SHISA6: variants seen among roughly 807,000 people sequenced by gnomAD.
SHISA6 encodes the protein protein shisa-6.
SHISA6 carries 22 observed loss-of-function variants against 47.9 expected under a neutral mutation model. That is an observed-to-expected ratio of 0.46 (90% CI 0.33 to 0.66). The LOEUF is 0.66. SHISA6 is among the 30% of genes least tolerant of loss of function. SHISA6 has a pLI of 0.02. For missense variants in SHISA6, 680 were observed against 764.6 expected (o/e 0.89, Z 1.30); for synonymous variants, 388 against 337.8 (o/e 1.15, Z -1.63).
intron 3 of SHISA6, among the ~76,000 whole-genome samples, chr17:11,523,250 C>T (rs1364526837): frequency 1.3e-5 from 2 of 152,168 alleles, no homozygotes; most frequent in African/African-American, 2.4e-5. Flanking sequence ...AGGCAGAAAA[C>T]CCCCCGTTGG....
At chr17:11,249,280 G>A (rs1907710511) in intron 1 of SHISA6, among the ~76,000 whole-genome samples, 1 of 152,004 alleles carries the variant, frequency 6.6e-6, no homozygotes, top group African/African-American at 2.4e-5. Context: ...GCCATCCAGT[G>A]GCCGTGTGTG....
intron 1 of SHISA6, among the ~76,000 whole-genome samples, chr17:11,248,484 A>C (rs1035243792): frequency 6.6e-6 from 1 of 152,140 alleles, no homozygotes. Flanking sequence ...CATTCAATGA[A>C]AATATATTCT....
chr17:11,330,878 C>T (rs17597099), intron 2 of SHISA6, among the ~76,000 whole-genome samples: 39,500 of 152,026 alleles, frequency 0.26, 5,939 homozygotes, highest in Non-Finnish European at 0.33. Flanking sequence ...TCTGAGTGCT[C>T]GTGAGCCAGG....
At chr17:11,379,738 C>G (rs1036913877) in intron 3 of SHISA6, 2 of 383,494 alleles carry the variant, frequency 5.2e-6, no homozygotes, top group African/African-American at 4.3e-5. Context: ...CCCACTCCAC[C>G]CATGGCGGGG....
chr17:11,364,993 A>G (rs1338786940), intron 2 of SHISA6, among the ~76,000 whole-genome samples: 2 of 152,140 alleles, frequency 1.3e-5, no homozygotes, highest in East Asian at 3.9e-4. Flanking sequence ...TTCATGAGGT[A>G]AGTGAAGGGG....
intron 2 of SHISA6, among the ~76,000 whole-genome samples, chr17:11,299,234 C>T (rs143125907): frequency 1.1e-3 from 161 of 152,250 alleles, no homozygotes; most frequent in Non-Finnish European, 2.0e-3. Flanking sequence ...GCAGTTGGAT[C>T]GGAATAATCA....
chr17:11,322,593 A>C (rs556298041), intron 2 of SHISA6, among the ~76,000 whole-genome samples: 3 of 152,332 alleles, frequency 2.0e-5, no homozygotes, highest in African/African-American at 7.2e-5. Context: ...AGATACTGGC[A>C]TACAATTCCT....
chr17:11,496,842 T>C (rs1218540988), intron 3 of SHISA6, among the ~76,000 whole-genome samples: 1 of 152,146 alleles, frequency 6.6e-6, no homozygotes. Flanking sequence ...CGGCCCCAGC[T>C]AAAGGAGCCA....
At chr17:11,543,918 A>AC (rs1567634941) in intron 3 of SHISA6, among the ~76,000 whole-genome samples, 1 of 150,214 alleles carries the variant, frequency 6.7e-6, no homozygotes, top group African/African-American at 2.4e-5. Context: ...AGCAAAAAAA[A>AC]AAAAAAAACA....
At chr17:11,381,813 T>A (rs1220194665) in intron 3 of SHISA6, among the ~76,000 whole-genome samples, 1 of 152,138 alleles carries the variant, frequency 6.6e-6, no homozygotes, top group Non-Finnish European at 1.5e-5. Context: ...TTATCTCCCA[T>A]CTTAATTTGT....
At chr17:11,386,181 G>A (rs1362392968) in intron 3 of SHISA6, among the ~76,000 whole-genome samples, 1 of 152,202 alleles carries the variant, frequency 6.6e-6, no homozygotes, top group Non-Finnish European at 1.5e-5. Context: ...TTCAAGACCA[G>A]TCTGACCAAC....
At chr17:11,515,541 C>A (rs1376766949) in intron 3 of SHISA6, among the ~76,000 whole-genome samples, 2 of 151,904 alleles carry the variant, frequency 1.3e-5, no homozygotes, top group African/African-American at 4.8e-5. Flanking sequence ...AAGGGTGGGG[C>A]AGGGTAGAAA....
intron 2 of SHISA6, among the ~76,000 whole-genome samples, chr17:11,337,266 A>G (rs983202345): frequency 2.6e-5 from 4 of 152,148 alleles, no homozygotes; most frequent in Admixed American, 6.5e-5. Flanking sequence ...CGATACATGA[A>G]TGAGCTGATT....
intron 3 of SHISA6, among the ~76,000 whole-genome samples, chr17:11,528,831 T>G (rs2142369433): frequency 1.3e-5 from 2 of 152,322 alleles, no homozygotes; most frequent in South Asian, 4.1e-4. Flanking sequence ...TATAGTCAAC[T>G]GCTGCTTATT....
At chr17:11,335,717 T>C (rs1449185469) in intron 2 of SHISA6, among the ~76,000 whole-genome samples, 2 of 152,144 alleles carry the variant, frequency 1.3e-5, no homozygotes, top group Non-Finnish European at 2.9e-5. Context: ...CCAGCGAACA[T>C]GGAGGAAAGA....
At chr17:11,489,389 A>G (rs1916423044) in intron 3 of SHISA6, among the ~76,000 whole-genome samples, 1 of 152,036 alleles carries the variant, frequency 6.6e-6, no homozygotes, top group Non-Finnish European at 1.5e-5. Context: ...TCAACACTTA[A>G]CATTAACTCT....
chr17:11,336,069 C>CAT (rs1194408717), intron 2 of SHISA6, among the ~76,000 whole-genome samples: 2 of 151,348 alleles, frequency 1.3e-5, no homozygotes, highest in Non-Finnish European at 2.9e-5. Flanking sequence ...ACTAGCTGGG[C>CAT]ATGGTGGTGC....
In SHISA6 at chr17:11,523,269, G is replaced by A. The variant is rs894164046; in HGVS notation, c.896-28627G>A. ...AGAAAACCCCCCGTTGGCTCCGATC[G>A]GATTTGCTGCTGTAGTTTCACTGTA... On this transcript the variant is annotated intron_variant, in intron 3 of 5. Transcript: ENST00000441885. Among the ~76,000 whole-genome samples, 12 of 152,302 alleles carry A rather than the reference G, an allele frequency of 7.9e-5. 1 individual carries two copies. The highest frequency in any genetic ancestry group is 6.8e-3 in the Middle Eastern group (2 of 294).
intron 2 of SHISA6, among the ~76,000 whole-genome samples, chr17:11,275,022 A>G (rs1395897254): frequency 6.6e-6 from 1 of 152,214 alleles, no homozygotes; most frequent in African/African-American, 2.4e-5. Flanking sequence ...ACAGTGATCA[A>G]TTCCTTTGGA....
Sources: allele counts gnomAD v4.1 joint callset (sites outside exome capture counted in the v4.1 genomes callset), GRCh38; gene constraint gnomAD v4.1.1; transcripts MANE v1.5; gene names NCBI Gene and HGNC (gene_info 2026-07-23, HGNC 2026-07-21).